OR52K1: variants seen among roughly 807,000 people sequenced by gnomAD.
OR52K1 encodes olfactory receptor 52K1.
In OR52K1, 10 loss-of-function variants were observed where a neutral mutation model predicts 8.7. The observed-to-expected ratio is 1.15, with a 90% CI of 0.71 to 1.95. OR52K1 has a LOEUF of 1.95. Ranked by LOEUF, OR52K1 falls within the 30% of genes most tolerant of loss-of-function variation. OR52K1 has a pLI of 0.00. For synonymous variants in OR52K1, 203 were observed against 148.5 expected (o/e 1.37, Z -2.67); for missense variants, 431 against 397.2 (o/e 1.08, Z -0.72).
intron 1 of OR52K1, among the ~76,000 whole-genome samples, chr11:4,487,565 G>T (rs1846330753): frequency 6.6e-6 from 1 of 151,894 alleles, no homozygotes; most frequent in Non-Finnish European, 1.5e-5. Flanking sequence ...TGCATATAGG[G>T]CATCTAGATG....
Position 4,489,812 on chromosome 11 carries a change from T to C in OR52K1, c.912T>C (p.Tyr304=). The change falls in exon 2 of 2, where the codon TAT becomes TAC. Residue 304 remains tyrosine, a synonymous_variant. Coordinates refer to ENST00000641528, the MANE Select transcript of OR52K1 (RefSeq NM_001005171.3). ...YGVKTKQIRE[Y]VLSLFQRKNM is the part of the protein sequence containing the mutation. Reference sequence around the variant, plus strand: ...TCAAGACCAAGCAGATTCGTGAGTATGTGCTCAGTCTATTCCAGAGAAAGA... The same window carrying C: ...TCAAGACCAAGCAGATTCGTGAGTACGTGCTCAGTCTATTCCAGAGAAAGA... 6.2e-7 allele frequency: 1 copy of C among 1,612,704 alleles called. No individual in the cohort carries two copies. Among genetic ancestry groups the C allele is most frequent in the Admixed American group, 1.7e-5 (1 of 59,984 alleles).
rs145681165 is a variant in OR52K1, at chr11:4,489,395, C to G, written c.495C>G (p.Leu165=). ...VTLMTPLPFL[L]RRFHYCRGPV... is the part of the protein sequence containing the mutation. Reference sequence around the variant, plus strand: ...TAATGACTCCACTCCCCTTCCTGCTCAGACGCTTCCACTACTGCCGAGGCC... The same window carrying G: ...TAATGACTCCACTCCCCTTCCTGCTGAGACGCTTCCACTACTGCCGAGGCC... Residue 165 remains leucine, a synonymous_variant, in exon 2 of 2, where the codon CTC becomes CTG. Transcript: ENST00000641528. 6.8e-4 allele frequency: 1,090 copies of G among 1,614,184 alleles called. 11 individuals carry two copies. The African/African-American group carries it at 0.012, about 18-fold the overall frequency.
chr11:4,492,577 G>A lies in OR52K1; in HGVS notation c.*2732G>A, dbSNP rs981297839. 3.9e-5 allele frequency: 6 copies of A among 152,204 alleles called. No individual in the cohort carries two copies. The highest frequency in any genetic ancestry group is 1.4e-4 in the African/African-American group (6 of 41,454). The allele number at this position is 152,204 out of a possible 1,614,324, so 9.4% of individuals were successfully genotyped here. ...CTATCTTGCATTTCAACTCATGACA[G>A]CTCAAGACTGAATATTTAAAGGAAA... On this transcript the variant is annotated 3_prime_UTR_variant, in exon 2 of 2. Coordinates refer to ENST00000641528, the MANE Select transcript of OR52K1 (RefSeq NM_001005171.3).
At chr11:4,487,352 C>T (rs561244570) in intron 1 of OR52K1, among the ~76,000 whole-genome samples, 1 of 152,292 alleles carries the variant, frequency 6.6e-6, no homozygotes, top group Admixed American at 6.5e-5. Flanking sequence ...CACTTAACCT[C>T]CCTATACCCC....
rs187690082 is a variant in OR52K1, at chr11:4,489,062, T to C, written c.162T>C (p.Asp54=). The change falls in exon 2 of 2, where the codon GAT becomes GAC. Residue 54 remains aspartate (D), a synonymous_variant. Coordinates refer to ENST00000641528, the MANE Select transcript of OR52K1 (RefSeq NM_001005171.3). ...CCCTTCTCTTCATTATCCAGGCTGA[T>C]GCAGCCCTCCATGAACCCATGTACC... The part of the protein sequence containing the change: ...NCTLLFIIQA[D]AALHEPMYLF... 344 of 1,614,212 alleles carry C rather than the reference T, an allele frequency of 2.1e-4. 1 individual carries two copies. The highest frequency in any genetic ancestry group is 2.7e-4 in the Non-Finnish European group (315 of 1,180,002).
In OR52K1 at chr11:4,488,935, C is replaced by T. The variant is rs1369494882; in HGVS notation, c.35C>T (p.Ala12Val). 9.9e-6 allele frequency: 16 copies of T among 1,613,970 alleles called. No homozygotes were observed. In the South Asian group the frequency reaches 1.6e-4, roughly 17 times the overall value. The change falls in exon 2 of 2, where the codon GCT becomes GTT. Residue 12 changes from alanine to valine, a missense_variant. Ala to Val is a moderately conservative substitution (Grantham distance 64). Transcript: ENST00000641528. ...LPSNITSTHP[A>V]VFLLVGIPGL... The stretch of plus-strand genomic sequence containing the variant: ...TCTAATATCACCTCAACACATCCAG[C>T]TGTCTTTTTGTTGGTAGGAATTCCT...
In OR52K1 at chr11:4,491,218, T is replaced by C. The variant is rs562707426; in HGVS notation, c.*1373T>C. The C allele has an allele frequency of 7.9e-5, 12 of 152,260 alleles. No individual in the cohort carries two copies. Among genetic ancestry groups the C allele is most frequent in the African/African-American group, 2.9e-4 (12 of 41,542 alleles). 9.4% of individuals were successfully genotyped at this position (152,260 alleles called of 1,614,324 possible). A position where few individuals can be genotyped will look rare whatever the true frequency, so the allele number is the denominator to read the frequency against. ...TTTTAAACTTTGCTGTATGACTTGA[T>C]TTGGCCAATGAAATTTGAGTAGCCC... On this transcript the variant is annotated 3_prime_UTR_variant, in exon 2 of 2. Transcript: ENST00000641528.
rs1204124026 is a variant in OR52K1 at position 4,490,983 on chromosome 11, G to A, written c.*1138G>A. The A allele has an allele frequency of 6.6e-6, 1 of 152,140 alleles. No individual in the cohort carries two copies. Among genetic ancestry groups the A allele is most frequent in the Non-Finnish European group, 1.5e-5 (1 of 68,014 alleles). The allele number at this position is 152,140 out of a possible 1,614,324, so 9.4% of individuals were successfully genotyped here. A position where few individuals can be genotyped will look rare whatever the true frequency, so the allele number is the denominator to read the frequency against. On this transcript the variant is annotated 3_prime_UTR_variant, in exon 2 of 2. Transcript: ENST00000641528. ...CATATAGCTTAGGTGTATAGCAAGCGATACCATCTAGGTTTGTGTAAATAC... is the reference window on the plus strand; with the variant it reads ...CATATAGCTTAGGTGTATAGCAAGCAATACCATCTAGGTTTGTGTAAATAC...
chr11:4,483,429 C>G (rs1846296178), intron 1 of OR52K1, among the ~76,000 whole-genome samples: 1 of 152,120 alleles, frequency 6.6e-6, no homozygotes, highest in South Asian at 2.1e-4. Flanking sequence ...AAACAATGAA[C>G]AGTCTGGACA....
At chr11:4,485,644 A>T (rs118050455) in intron 1 of OR52K1, among the ~76,000 whole-genome samples, 3,521 of 152,244 alleles carry the variant, frequency 0.023, 66 homozygotes, top group Non-Finnish European at 0.037. Context: ...TTCTGAGCCA[A>T]TGTTCTCCCT....
At position 4,488,619 on chromosome 11, in the gene OR52K1, A is replaced by T. The variant is rs1321546857; in HGVS notation, c.-282A>T. The T allele has an allele frequency of 2.5e-6, 1 of 397,698 alleles. No individual in the cohort carries two copies. The highest frequency in any genetic ancestry group is 2.1e-5 in the African/African-American group (1 of 48,656). The allele number at this position is 397,698 out of a possible 1,614,324, so 24.6% of individuals were successfully genotyped here. On this transcript the variant is annotated 5_prime_UTR_variant, in exon 2 of 2. Transcript: ENST00000641528. ...ACACAGAAAACACTACATATACTCC[A>T]TTCCTTTATGAAAGTTGTCTTAGAA...
rs1288537659 is a variant in OR52K1 at position 4,492,838 on chromosome 11, C to T, written c.*2993C>T. On this transcript the variant is annotated 3_prime_UTR_variant, in exon 2 of 2. Transcript: ENST00000641528. ...GACAAAAGATAAAGAGAAGAAAAGACAGCTGGGCCTGGGGGACCAGTACCA... is the reference window on the plus strand; with the variant it reads ...GACAAAAGATAAAGAGAAGAAAAGATAGCTGGGCCTGGGGGACCAGTACCA... The T allele has an allele frequency of 5.4e-6, 1 of 183,624 alleles. No individual in the cohort carries two copies. The highest frequency in any genetic ancestry group is 1.1e-5 in the Non-Finnish European group (1 of 92,710). 11.4% of individuals were successfully genotyped at this position (183,624 alleles called of 1,614,324 possible). A position where few individuals can be genotyped will look rare whatever the true frequency, so the allele number is the denominator to read the frequency against.
rs1049522997 is a variant in OR52K1 at position 4,490,755 on chromosome 11, T to G, written c.*910T>G. ...ATTATAGTACCGTATATTTACTGTATGTTTTTTAACTTTTAAGTTACATGT... is the reference window on the plus strand; with the variant it reads ...ATTATAGTACCGTATATTTACTGTAGGTTTTTTAACTTTTAAGTTACATGT... On this transcript the variant is annotated 3_prime_UTR_variant, in exon 2 of 2. Coordinates refer to ENST00000641528, the MANE Select transcript of OR52K1 (RefSeq NM_001005171.3). 1 of 152,248 alleles carries G rather than the reference T, an allele frequency of 6.6e-6. No homozygotes were observed. Among genetic ancestry groups the G allele is most frequent in the Non-Finnish European group, 1.5e-5 (1 of 68,042 alleles). 9.4% of individuals were successfully genotyped at this position (152,248 alleles called of 1,614,324 possible). A position where few individuals can be genotyped will look rare whatever the true frequency, so the allele number is the denominator to read the frequency against.
At position 4,489,782 on chromosome 11, in the gene OR52K1, T is replaced by G; in HGVS notation, c.882T>G (p.Tyr294Ter). 6.2e-7 allele frequency: 1 copy of G among 1,614,068 alleles called. No individual in the cohort carries two copies. The highest frequency in any genetic ancestry group is 8.5e-7 in the Non-Finnish European group (1 of 1,179,966). The change falls in exon 2 of 2, where the codon TAT becomes TAG. Residue 294 changes from tyrosine to a stop codon, truncating the protein, a stop_gained. Coordinates refer to ENST00000641528, the MANE Select transcript of OR52K1 (RefSeq NM_001005171.3). LOFTEE classifies it high-confidence loss of function. ...CACCCATGGTCAATCCTATCATATA[T>G]GGAGTCAAGACCAAGCAGATTCGTG... ...LFPPMVNPIIYGVKTKQIREY... is the reference protein window; with the variant it reads ...LFPPMVNPII
rs934602569 is a variant in OR52K1 at position 4,490,716 on chromosome 11, G to A, written c.*871G>A. ...GTCAGTAATGGATCACCTATATGAT[G>A]GTGATTGCATAACATTATAGTACCG... is the stretch of plus-strand genomic sequence containing the variant. On this transcript the variant is annotated 3_prime_UTR_variant, in exon 2 of 2. Coordinates refer to ENST00000641528, the MANE Select transcript of OR52K1 (RefSeq NM_001005171.3). The A allele has an allele frequency of 6.6e-6, 1 of 152,072 alleles. No homozygotes were observed. Among genetic ancestry groups the A allele is most frequent in the Non-Finnish European group, 1.5e-5 (1 of 68,010 alleles). The allele number at this position is 152,072 out of a possible 1,614,324, so 9.4% of individuals were successfully genotyped here.
rs1846390788 is a variant in OR52K1, at chr11:4,492,887, G to A, written c.*3042G>A. On this transcript the variant is annotated 3_prime_UTR_variant, in exon 2 of 2. Coordinates refer to ENST00000641528, the MANE Select transcript of OR52K1 (RefSeq NM_001005171.3). ...CACCAAGATGCAGAGACCGGTAGTG[G>A]CCCCGAATGCCTGGCTGCACTGTTA... 1 of 194,458 alleles carries A rather than the reference G, an allele frequency of 5.1e-6. No homozygotes were observed. The highest frequency in any genetic ancestry group is 1.0e-5 in the Non-Finnish European group (1 of 99,176). 12.0% of individuals were successfully genotyped at this position (194,458 alleles called of 1,614,324 possible). A position where few individuals can be genotyped will look rare whatever the true frequency, so the allele number is the denominator to read the frequency against.
At chr11:4,484,929 A>AC (rs1846309517) in intron 1 of OR52K1, among the ~76,000 whole-genome samples, 1 of 151,794 alleles carries the variant, frequency 6.6e-6, no homozygotes, top group Non-Finnish European at 1.5e-5. Context: ...TTTGCTTCCA[A>AC]ATTCCTCAAA....
At chr11:4,487,180 A>G (rs558827868) in intron 1 of OR52K1, among the ~76,000 whole-genome samples, 14 of 152,354 alleles carry the variant, frequency 9.2e-5, no homozygotes, top group African/African-American at 2.9e-4. Flanking sequence ...GTTTCACTGT[A>G]AAGAAAAGCA....
In OR52K1 at chr11:4,483,014, C is replaced by T. The variant is rs1846293482; in HGVS notation, c.-491C>T. 1 of 396,442 alleles carries T rather than the reference C, an allele frequency of 2.5e-6. No individual in the cohort carries two copies. Among genetic ancestry groups the T allele is most frequent in the East Asian group, 3.6e-5 (1 of 28,000 alleles). The allele number at this position is 396,442 out of a possible 1,614,324, so 24.6% of individuals were successfully genotyped here. A position where few individuals can be genotyped will look rare whatever the true frequency, so the allele number is the denominator to read the frequency against. On this transcript the variant is annotated 5_prime_UTR_variant, in exon 1 of 2. Transcript: ENST00000641528. ...TCCTATGCCAAACACTGTGGGCCATCTCCAAGAAGTCTTAGTTGATTATTC... is the reference window on the plus strand; with the variant it reads ...TCCTATGCCAAACACTGTGGGCCATTTCCAAGAAGTCTTAGTTGATTATTC...
Sources: gnomAD v4.1 joint callset for allele counts (sites outside exome capture counted in the v4.1 genomes callset) on GRCh38, gnomAD v4.1.1 for gene constraint, MANE v1.5 for transcripts, NCBI Gene and HGNC (gene_info 2026-07-23, HGNC 2026-07-21) for gene names.